Variants in PTPDC1 observed in about 807,000 individuals in gnomAD.
PTPDC1 encodes the protein protein tyrosine phosphatase domain-containing protein 1.
A neutral mutation model predicts 75.3 loss-of-function variants in PTPDC1; 53 were observed. That is an observed-to-expected ratio of 0.70 (90% confidence interval 0.56 to 0.88). PTPDC1 has a LOEUF of 0.88. Among genes scored for constraint, PTPDC1 ranks in the 40% least tolerant of loss-of-function variants. PTPDC1 has a pLI of 0.00. For missense variants in PTPDC1, 925 were observed against 998.6 expected (o/e 0.93, Z 0.99); for synonymous variants, 349 against 366.2 (o/e 0.95, Z 0.54).
rs1826759259 is a variant in PTPDC1, at chr9:94,078,221, T to C, written c.83-7030T>C. On this transcript the variant is annotated intron_variant, in intron 2 of 9. Transcript: ENST00000375360. The stretch of plus-strand genomic sequence containing the variant: ...AGTCTGCTAGCAACAAATTCTCTGC[T>C]TTTTGTTTACCTGGGAATTCCTTTA... Among the ~76,000 whole-genome samples, 6 of 152,216 alleles carry C rather than the reference T, an allele frequency of 3.9e-5. No homozygotes were observed. In the South Asian group the frequency reaches 1.2e-3, roughly 32 times the overall value.
intron 2 of PTPDC1, among the ~76,000 whole-genome samples, chr9:94,070,535 A>G (rs1826478089): frequency 6.6e-6 from 1 of 152,212 alleles, no homozygotes; most frequent in South Asian, 2.1e-4. Flanking sequence ...TCCAGTTTCC[A>G]CCAATAGTAG....
intron 4 of PTPDC1, among the ~76,000 whole-genome samples, chr9:94,091,113 A>C (rs1827299934): frequency 6.6e-6 from 1 of 151,514 alleles, no homozygotes; most frequent in Non-Finnish European, 1.5e-5. Context: ...AACTTCCAAC[A>C]CTATGTTGAA....
chr9:94,049,954 T>G (rs1587847011), intron 1 of PTPDC1, among the ~76,000 whole-genome samples: 1 of 152,236 alleles, frequency 6.6e-6, no homozygotes, highest in Admixed American at 6.5e-5. Flanking sequence ...CTCACTTCAT[T>G]TCATTCATTT....
At chr9:94,069,042 C>T (rs1826418545) in intron 2 of PTPDC1, among the ~76,000 whole-genome samples, 1 of 152,154 alleles carries the variant, frequency 6.6e-6, no homozygotes, top group African/African-American at 2.4e-5. Flanking sequence ...TCTTCCAGCT[C>T]ATTTTATTCT....
intron 1 of PTPDC1, among the ~76,000 whole-genome samples, chr9:94,044,079 A>T (rs1023703123): frequency 2.0e-5 from 3 of 152,208 alleles, no homozygotes; most frequent in African/African-American, 7.2e-5. Context: ...TCTTGAAATC[A>T]GGTAATGTAA....
At chr9:94,101,489 C>A in intron 6 of PTPDC1, 77 bp from the exon 7 acceptor site, 1 of 1,082,702 alleles carries the variant, frequency 9.2e-7, no homozygotes, top group Non-Finnish European at 1.4e-6. Context: ...AAGAATCATG[C>A]AGTGTCAAAT....
intron 1 of PTPDC1, among the ~76,000 whole-genome samples, chr9:94,044,270 T>C (rs1422772680): frequency 6.6e-6 from 1 of 152,236 alleles, no homozygotes; most frequent in African/African-American, 2.4e-5. Context: ...CTGTGTTATC[T>C]TTCAATCAAG....
chr9:94,058,944 T>C (rs904256162), intron 1 of PTPDC1, among the ~76,000 whole-genome samples: 1 of 152,208 alleles, frequency 6.6e-6, no homozygotes, highest in Non-Finnish European at 1.5e-5. Flanking sequence ...TGAGCCGAGA[T>C]TGTGCTACTG....
chr9:94,098,204 A>T lies in PTPDC1; in HGVS notation c.1638A>T (p.Ala546=). The T allele has an allele frequency of 6.2e-7, 1 of 1,614,256 alleles. No homozygotes were observed. Among genetic ancestry groups the T allele is most frequent in the Middle Eastern group, 1.6e-4 (1 of 6,062 alleles). The change falls in exon 6 of 9, where the codon GCA becomes GCT. Residue 546 remains alanine, a synonymous_variant. Transcript: ENST00000620992. ...KEAQQSGAFS[A]DVSGSHSPGE... ...CACAGCAGAGTGGAGCTTTCTCTGC[A>T]GATGTTTCAGGCTCACACAGCCCTG...
chr9:94,107,628 T>A (rs553390855), intron 8 of PTPDC1, among the ~76,000 whole-genome samples, 200 bp from the exon 9 acceptor site: 7 of 152,228 alleles, frequency 4.6e-5, no homozygotes, highest in Non-Finnish European at 1.0e-4. Context: ...ATTTTGGGGT[T>A]TTCATTCATA....
At chr9:94,064,942 G>A in intron 2 of PTPDC1, 1 of 702,918 alleles carries the variant, frequency 1.4e-6, no homozygotes, top group Non-Finnish European at 2.4e-6. Context: ...CAGGTTGCAA[G>A]TATTACTTAC....
At chr9:94,081,055 T>C (rs1826867362), upstream of PTPDC1, among the ~76,000 whole-genome samples, 1 of 138,930 alleles carries the variant, frequency 7.2e-6, no homozygotes, top group Non-Finnish European at 1.5e-5. Flanking sequence ...AGTGGTGCAA[T>C]CTCAGCTCAC....
At chr9:94,080,996 T>C (rs9802179), upstream of PTPDC1, among the ~76,000 whole-genome samples, 1 of 145,994 alleles carries the variant, frequency 6.8e-6, no homozygotes, top group East Asian at 2.0e-4. Context: ...TTCTTTTTCT[T>C]TTTTTTTTTT....
intron 1 of PTPDC1, among the ~76,000 whole-genome samples, chr9:94,034,246 T>C (rs1422331223): frequency 2.0e-5 from 3 of 152,158 alleles, no homozygotes; most frequent in African/African-American, 4.8e-5. Flanking sequence ...AATGGGAGAT[T>C]TGTGGCCAAG....
At chr9:94,079,824 AG>A (rs1164166256), upstream of PTPDC1, among the ~76,000 whole-genome samples, 1 of 152,170 alleles carries the variant, frequency 6.6e-6, no homozygotes, top group Admixed American at 6.5e-5. Context: ...CTACTTTGCA[AG>A]GTGAGCAGGA....
chr9:94,097,257 GATAA>G, intron 5 of PTPDC1, 60 bp from the exon 6 acceptor site: 4 of 1,056,614 alleles, frequency 3.8e-6, no homozygotes, highest in Non-Finnish European at 5.5e-6. Flanking sequence ...ATCAAAGAGT[GATAA>G]ATAAAATAAA....
intron 1 of PTPDC1, among the ~76,000 whole-genome samples, chr9:94,037,682 G>A (rs1276613722): frequency 1.3e-5 from 2 of 151,978 alleles, no homozygotes; most frequent in Non-Finnish European, 2.9e-5. Context: ...CTGGAACCCA[G>A]GAACAAAATC....
chr9:94,035,383 CA>C (rs1825234555), intron 1 of PTPDC1, among the ~76,000 whole-genome samples: 1 of 152,140 alleles, frequency 6.6e-6, no homozygotes, highest in African/African-American at 2.4e-5. Context: ...TCTATGAGTT[CA>C]GGTGTTTTAG....
At chr9:94,102,383 A>G (rs1199444489) in intron 7 of PTPDC1, among the ~76,000 whole-genome samples, 1 of 151,630 alleles carries the variant, frequency 6.6e-6, no homozygotes. Context: ...TAGAGGAAAT[A>G]TGTATATATG....
Sources: gnomAD v4.1 joint callset for allele counts (sites outside exome capture counted in the v4.1 genomes callset) on GRCh38, gnomAD v4.1.1 for gene constraint, MANE v1.5 for transcripts, NCBI Gene and HGNC (gene_info 2026-07-23, HGNC 2026-07-21) for gene names.